The following MYO3B variants were observed in gnomAD, a reference collection of about 807,000 sequenced individuals.
MYO3B encodes the protein myosin-IIIb.
In MYO3B, 156 loss-of-function variants were observed where a neutral mutation model predicts 174.6. The ratio of observed to expected loss-of-function variants is 0.89; its 90% CI spans 0.78 to 1.02. MYO3B has a LOEUF of 1.02. MYO3B is among the 50% of genes least tolerant of loss of function. MYO3B has a pLI of 0.00. For missense variants in MYO3B, 1,632 were observed against 1,639.4 expected (o/e 1.00, Z 0.08); for synonymous variants, 563 against 569.1 (o/e 0.99, Z 0.15).
Position 170,397,334 on chromosome 2 carries a change from G to A in MYO3B, c.1792-2854G>A, listed in dbSNP as rs17579694. 0.023 allele frequency among the ~76,000 whole-genome samples: 3,563 copies of A among 152,162 alleles called. 189 individuals are homozygous for A. In the East Asian group the frequency reaches 0.24, roughly 10 times the overall value. ...TTTATAGGAAGTTGTAATCTGTGAGGCAATGCTTTATCAATGGTCCAGTGA... is the reference window on the plus strand; with the variant it reads ...TTTATAGGAAGTTGTAATCTGTGAGACAATGCTTTATCAATGGTCCAGTGA... On this transcript the variant is annotated intron_variant, in intron 16 of 34. Transcript: ENST00000408978.
chr2:170,445,822 G>A (rs544152185), intron 23 of MYO3B, among the ~76,000 whole-genome samples: 2 of 152,236 alleles, frequency 1.3e-5, no homozygotes, highest in South Asian at 4.1e-4. Context: ...TTTTTTTGTA[G>A]AGATGAGGTC....
chr2:170,444,145 C>G, intron 23 of MYO3B, 99 bp downstream of exon 23: 1 of 1,007,724 alleles, frequency 9.9e-7, no homozygotes, highest in Non-Finnish European at 1.5e-6. Context: ...TTCTAGCAGC[C>G]CTCTGCCTGG....
At chr2:170,337,903 C>G (rs1303586450) in intron 8 of MYO3B, 1 of 152,102 alleles carries the variant, frequency 6.6e-6, no homozygotes, top group Admixed American at 6.6e-5. Flanking sequence ...ATCTTTTTCA[C>G]GTTGAATAGG....
chr2:170,248,672 C>T (rs961489482), intron 7 of MYO3B, among the ~76,000 whole-genome samples: 1 of 152,198 alleles, frequency 6.6e-6, no homozygotes, highest in African/African-American at 2.4e-5. Context: ...TAGTCTTTCT[C>T]ACACTGCACC....
chr2:170,452,290 G>A (rs938315009), intron 23 of MYO3B, among the ~76,000 whole-genome samples: 2 of 152,114 alleles, frequency 1.3e-5, no homozygotes, highest in Non-Finnish European at 1.5e-5. Flanking sequence ...GGGGTTCCAT[G>A]AGGAAAACAG....
At chr2:170,606,455 C>T (rs1694815270) in intron 32 of MYO3B, among the ~76,000 whole-genome samples, 1 of 152,200 alleles carries the variant, frequency 6.6e-6, no homozygotes, top group South Asian at 2.1e-4. Flanking sequence ...CATCATCCAC[C>T]ACCATATCCA....
chr2:170,184,773 A>G (rs2092443069), intron 1 of MYO3B, among the ~76,000 whole-genome samples: 1 of 152,164 alleles, frequency 6.6e-6, no homozygotes, highest in Non-Finnish European at 1.5e-5. Context: ...ACTGTTCTCC[A>G]TAGTGATTGT....
chr2:170,537,759 GT>G (rs1174837351), intron 30 of MYO3B, among the ~76,000 whole-genome samples: 1 of 152,048 alleles, frequency 6.6e-6, no homozygotes, highest in Non-Finnish European at 1.5e-5. Flanking sequence ...GAGCTCTTTG[GT>G]TTTTGTTCAA....
At chr2:170,244,281 A>G (rs926025613) in intron 7 of MYO3B, among the ~76,000 whole-genome samples, 4 of 152,142 alleles carry the variant, frequency 2.6e-5, no homozygotes, top group Middle Eastern at 3.2e-3. Context: ...CAAGAGTTCT[A>G]AACTTAGGGT....
intron 5 of MYO3B, among the ~76,000 whole-genome samples, chr2:170,215,684 G>A (rs1159701096): frequency 6.6e-6 from 1 of 152,184 alleles, no homozygotes; most frequent in Non-Finnish European, 1.5e-5. Context: ...AGACGTACTA[G>A]TCTATTTTTA....
chr2:170,272,085 T>TTA (rs1244006803), intron 7 of MYO3B, among the ~76,000 whole-genome samples: 8 of 151,536 alleles, frequency 5.3e-5, no homozygotes, highest in Non-Finnish European at 1.0e-4. Context: ...AGGGAAACTT[T>TTA]TTTTTTTTTT....
At chr2:170,635,813 AAAAG>A (rs1288909047) in intron 32 of MYO3B, among the ~76,000 whole-genome samples, 2 of 152,210 alleles carry the variant, frequency 1.3e-5, no homozygotes, top group African/African-American at 2.4e-5. Flanking sequence ...AAAGGTCTAA[AAAAG>A]AGAAAGAGAA....
chr2:170,544,026 ATTTGCATG>A, intron 32 of MYO3B, 38 bp downstream of exon 32: 1 of 1,469,032 alleles, frequency 6.8e-7, no homozygotes, highest in Non-Finnish European at 9.5e-7. Context: ...GGCTTCTACC[ATTTGCATG>A]TTTGTGTACT....
Position 170,264,818 on chromosome 2 carries a change from GT to G in MYO3B, c.749+28686del, listed in dbSNP as rs536185299. 9.9e-4 allele frequency among the ~76,000 whole-genome samples: 151 copies of G among 152,304 alleles called. 1 individual carries two copies. Among genetic ancestry groups the G allele is most frequent in the African/African-American group, 3.4e-3 (143 of 41,568 alleles). On this transcript the variant is annotated intron_variant, in intron 7 of 34. Coordinates refer to ENST00000408978, the MANE Select transcript of MYO3B (RefSeq NM_138995.5). ...TTGAGAGACTTTGGGTGATGGCTTA[GT>G]TTTGGAGGATGGCAGTAGCAAGGTA...
intron 32 of MYO3B, among the ~76,000 whole-genome samples, chr2:170,595,595 C>T (rs780437946): frequency 2.0e-5 from 3 of 152,064 alleles, no homozygotes; most frequent in South Asian, 2.1e-4. Flanking sequence ...CGCACCACCA[C>T]GACTGGCTAA....
chr2:170,271,477 G>T lies in MYO3B; in HGVS notation c.749+35341G>T, dbSNP rs73975600. On this transcript the variant is annotated intron_variant, in intron 7 of 34. Transcript: ENST00000408978. ...ATATTTTCAACTCTCCAACAGAAGT[G>T]TCTCAATTATGAAGGGAGGTGGCCT... 9.4e-3 allele frequency among the ~76,000 whole-genome samples: 1,429 copies of T among 152,254 alleles called. 24 individuals are homozygous for T. Among genetic ancestry groups the T allele is most frequent in the African/African-American group, 0.032 (1,313 of 41,546 alleles).
chr2:170,502,323 C>T (rs1226819421), intron 28 of MYO3B, among the ~76,000 whole-genome samples: 3 of 152,188 alleles, frequency 2.0e-5, no homozygotes, highest in Admixed American at 6.5e-5. Context: ...CAGAAGGTGC[C>T]TTCCCATTTT....
At chr2:170,574,946 C>T (rs1252079840) in intron 32 of MYO3B, among the ~76,000 whole-genome samples, 1 of 152,136 alleles carries the variant, frequency 6.6e-6, no homozygotes, top group East Asian at 1.9e-4. Context: ...TTACCCTCCC[C>T]ACTCCCTTTA....
chr2:170,605,711 T>A (rs1166799398), intron 32 of MYO3B, among the ~76,000 whole-genome samples: 1 of 151,930 alleles, frequency 6.6e-6, no homozygotes, highest in Non-Finnish European at 1.5e-5. Flanking sequence ...ACAAAAAAAA[T>A]TAGCCAGGCT....
Sources: allele counts gnomAD v4.1 joint callset (sites outside exome capture counted in the v4.1 genomes callset), GRCh38; gene constraint gnomAD v4.1.1; transcripts MANE v1.5; gene names NCBI Gene and HGNC (gene_info 2026-07-23, HGNC 2026-07-21).